CCDC121: variants seen among roughly 807,000 people sequenced by gnomAD.
The protein encoded by CCDC121 is coiled-coil domain-containing protein 121.
For synonymous variants in CCDC121, 108 were observed against 120.0 expected (o/e 0.90, Z 0.65); for missense variants, 238 against 304.1 (o/e 0.78, Z 1.62).
chr2:27,626,889 C>T lies in CCDC121; in HGVS notation c.*74G>A, dbSNP rs935105457. 1.1e-5 allele frequency: 12 copies of T among 1,055,832 alleles called. No homozygotes were observed. In the African/African-American group the frequency reaches 1.6e-4, roughly 14 times the overall value. The allele number at this position is 1,055,832 out of a possible 1,614,324, so 65.4% of individuals were successfully genotyped here. ...ACAATAGCAATCTGGAATCCAACAGCCTTTCTAACCAGGTTAATGTAGCAC... is the reference window on the plus strand; with the variant it reads ...ACAATAGCAATCTGGAATCCAACAGTCTTTCTAACCAGGTTAATGTAGCAC... On this transcript the variant is annotated 3_prime_UTR_variant, in exon 2 of 2. Transcript: ENST00000324364.
In CCDC121 at chr2:27,628,951, C is replaced by G. The variant is rs1456793953; in HGVS notation, c.-120G>C. On this transcript the variant is annotated splice_region_variant and 5_prime_UTR_variant, in exon 1 of 2. Transcript: ENST00000324364. ...CCTGGCAACCGCCGCGCCCCTCACC[C>G]GCTCCTTTCTGACGCTGTGGTGGTT... The G allele has an allele frequency of 3.9e-6, 6 of 1,555,530 alleles. No individual in the cohort carries two copies. Among genetic ancestry groups the G allele is most frequent in the East Asian group, 2.3e-5 (1 of 43,794 alleles).
chr2:27,627,953 A>G, intron 1 of CCDC121, 36 bp from the exon 2 acceptor site: 1 of 1,441,804 alleles, frequency 6.9e-7, no homozygotes, highest in South Asian at 1.2e-5. Flanking sequence ...CTGTCAGTTA[A>G]TGAAACTTTA....
chr2:27,628,968 G>A lies in CCDC121; in HGVS notation c.-137C>T. ...CCCTCACCCGCTCCTTTCTGACGCT[G>A]TGGTGGTTTTCGTTCGCAGCCCAGA... On this transcript the variant is annotated 5_prime_UTR_variant, in exon 1 of 2. Transcript: ENST00000324364. 1.3e-6 allele frequency: 2 copies of A among 1,580,986 alleles called. No homozygotes were observed. The highest frequency in any genetic ancestry group is 2.2e-5 in the East Asian group (1 of 44,462).
intron 1 of CCDC121, 157 bp downstream of exon 1, chr2:27,628,793 G>C (rs1488097702): frequency 6.6e-7 from 1 of 1,512,896 alleles, no homozygotes; most frequent in Admixed American, 2.2e-5. Context: ...GGAGACAAAA[G>C]CCCTCCCAGG....
chr2:27,626,762 A>G lies in CCDC121; in HGVS notation c.*201T>C. The G allele has an allele frequency of 2.0e-6, 1 of 492,622 alleles. No individual in the cohort carries two copies. Among genetic ancestry groups the G allele is most frequent in the Non-Finnish European group, 3.6e-6 (1 of 277,986 alleles). 30.5% of individuals were successfully genotyped at this position (492,622 alleles called of 1,614,324 possible). A position where few individuals can be genotyped will look rare whatever the true frequency, so the allele number is the denominator to read the frequency against. On this transcript the variant is annotated 3_prime_UTR_variant, in exon 2 of 2. Transcript: ENST00000324364. ...TGGAATAGCTTATTAACGAGTATTT[A>G]AAGAAAAAGCTAGTTAAGGGAAGCT... is the stretch of plus-strand genomic sequence containing the variant.
At position 27,627,717 on chromosome 2, in the gene CCDC121, T is replaced by C. The variant is rs1267333377; in HGVS notation, c.83A>G (p.Glu28Gly). 2.5e-6 allele frequency: 4 copies of C among 1,613,962 alleles called. No individual in the cohort carries two copies. In the African/African-American group the frequency reaches 4.0e-5, roughly 16 times the overall value. The change falls in exon 2 of 2, where the codon GAA becomes GGA. Residue 28 changes from glutamate to glycine, a missense_variant. Coordinates refer to ENST00000324364, the MANE Select transcript of CCDC121 (RefSeq NM_024584.5). ...GTTTTCAGCCTGGACAAGTAACTTT[T>C]CTCGGTGTAGCTCCCTGGATTCCTC... is the stretch of plus-strand genomic sequence containing the variant. ...LLEESRELHREKLLVQAENRF... is the reference protein window; with the variant it reads ...LLEESRELHRGKLLVQAENRF...
In CCDC121 at chr2:27,627,513, A is replaced by T; in HGVS notation, c.287T>A (p.Ile96Asn). 6.2e-7 allele frequency: 1 copy of T among 1,614,134 alleles called. No homozygotes were observed. Among genetic ancestry groups the T allele is most frequent in the South Asian group, 1.1e-5 (1 of 91,080 alleles). The change falls in exon 2 of 2, where the codon ATC becomes AAC. Residue 96 changes from isoleucine (I) to asparagine (N), a missense_variant. By Grantham distance (149) the Ile-to-Asn change is moderately radical. Transcript: ENST00000324364. ...CAACTTCCGCTTCAAACTGGATTGG[A>T]TATTTTCCTTTTGCAAGAGCGCTGT... The part of the protein sequence containing the change: ...LKTALLQKEN[I>N]QSSLKRKLQA...
Position 27,627,272 on chromosome 2 carries a change from C to T in CCDC121, c.528G>A (p.Lys176=), listed in dbSNP as rs1345476791. 7 of 1,613,508 alleles carry T rather than the reference C, an allele frequency of 4.3e-6. No individual in the cohort carries two copies. The highest frequency in any genetic ancestry group is 1.3e-5 in the African/African-American group (1 of 74,856). The change falls in exon 2 of 2, where the codon AAG becomes AAA. Residue 176 remains lysine, a synonymous_variant. Transcript: ENST00000324364. ...GKRKRRELNM[K]AQALKLAAKR... ...TTGCTGCCAACTTCAAGGCCTGGGC[C>T]TTCATATTAAGCTCTCTTCTTTTTC...
chr2:27,627,920 G>A lies in CCDC121; in HGVS notation c.-118-3C>T. On this transcript the variant is annotated splice_region_variant and splice_polypyrimidine_tract_variant and intron_variant, in intron 1 of 1. Coordinates refer to ENST00000324364, the MANE Select transcript of CCDC121 (RefSeq NM_024584.5). ...GCCTTCTGGGGCCCTCAGCAAACCT[G>A]AAAGAACAAACGAGACATTCCTCTG... 1.3e-6 allele frequency: 2 copies of A among 1,596,196 alleles called. No individual in the cohort carries two copies. Among genetic ancestry groups the A allele is most frequent in the South Asian group, 2.2e-5 (2 of 90,488 alleles).
Position 27,627,904 on chromosome 2 carries a change from G to T in CCDC121, c.-105C>A, listed in dbSNP as rs573333820. 2 of 1,611,626 alleles carry T rather than the reference G, an allele frequency of 1.2e-6. No individual in the cohort carries two copies. Among genetic ancestry groups the T allele is most frequent in the Non-Finnish European group, 1.7e-6 (2 of 1,178,582 alleles). On this transcript the variant is annotated 5_prime_UTR_variant, in exon 2 of 2. Coordinates refer to ENST00000324364, the MANE Select transcript of CCDC121 (RefSeq NM_024584.5). ...TGATACGGTGGAAGGAGCCTTCTGG[G>T]GCCCTCAGCAAACCTGAAAGAACAA... is the stretch of plus-strand genomic sequence containing the variant.
In CCDC121 at chr2:27,627,709, G is replaced by C; in HGVS notation, c.91C>G (p.Leu31Val). 1.2e-6 allele frequency: 2 copies of C among 1,613,902 alleles called. No homozygotes were observed. Among genetic ancestry groups the C allele is most frequent in the Non-Finnish European group, 1.7e-6 (2 of 1,180,020 alleles). Reference protein sequence around the residue: ...ESRELHREKLLVQAENRFFLE... With the variant: ...ESRELHREKLVVQAENRFFLE... ...AAGAATCTGTTTTCAGCCTGGACAA[G>C]TAACTTTTCTCGGTGTAGCTCCCTG... Residue 31 changes from leucine to valine, a missense_variant, in exon 2 of 2, where the codon CTT (leucine) becomes GTT (valine). Coordinates refer to ENST00000324364, the MANE Select transcript of CCDC121 (RefSeq NM_024584.5).
intron 1 of CCDC121, chr2:27,628,440 T>G (rs766239783): frequency 6.4e-7 from 1 of 1,551,552 alleles, no homozygotes; most frequent in South Asian, 1.2e-5. Context: ...AACTGTGTAG[T>G]TCACTGAGGG....
chr2:27,627,940 C>CCTCT, intron 1 of CCDC121, 23 bp from the exon 2 acceptor site: 1 of 1,511,182 alleles, frequency 6.6e-7, no homozygotes, highest in Non-Finnish European at 9.2e-7. Flanking sequence ...ACGAGACATT[C>CCTCT]CTCTGTCAGT....
intron 1 of CCDC121, 150 bp downstream of exon 1, chr2:27,628,800 C>A (rs1224008243): frequency 6.6e-7 from 1 of 1,504,786 alleles, no homozygotes; most frequent in African/African-American, 1.4e-5. Flanking sequence ...AAAGCCCTCC[C>A]AGGCTGCAGA....
intron 1 of CCDC121, 199 bp downstream of exon 1, chr2:27,628,751 C>T: frequency 6.5e-7 from 1 of 1,546,066 alleles, no homozygotes; most frequent in Non-Finnish European, 8.7e-7. Flanking sequence ...GAGCCCTGCC[C>T]TCGGGACCCC....
Position 27,628,634 on chromosome 2 carries a change from C to T in CCDC121, c.-119+316G>A, listed in dbSNP as rs906131399. ...GCTGGTCCAGCCCTGAACTGTTTAA[C>T]CGCCTCGGCTACCGAATAAGCCCGA... On this transcript the variant is annotated intron_variant, in intron 1 of 1. Coordinates refer to ENST00000324364, the MANE Select transcript of CCDC121 (RefSeq NM_024584.5). 10 of 1,551,444 alleles carry T rather than the reference C, an allele frequency of 6.4e-6. No homozygotes were observed. The Admixed American group carries it at 1.8e-4, about 27-fold the overall frequency.
Position 27,625,654 on chromosome 2 carries a change from A to G in CCDC121, c.*1309T>C, listed in dbSNP as rs1381568873. The G allele has an allele frequency of 6.6e-6, 1 of 152,476 alleles. No homozygotes were observed. The highest frequency in any genetic ancestry group is 1.5e-5 in the Non-Finnish European group (1 of 68,028). The allele number at this position is 152,476 out of a possible 1,614,324, so 9.4% of individuals were successfully genotyped here. ...GAACAGTAATAAAATCAGTGGATAAATGTTTTTATTTAATAACATTGTTTA... is the reference window on the plus strand; with the variant it reads ...GAACAGTAATAAAATCAGTGGATAAGTGTTTTTATTTAATAACATTGTTTA... On this transcript the variant is annotated 3_prime_UTR_variant, in exon 2 of 2. Coordinates refer to ENST00000324364, the MANE Select transcript of CCDC121 (RefSeq NM_024584.5).
chr2:27,627,382 G>T lies in CCDC121; in HGVS notation c.418C>A (p.Arg140=). The T allele has an allele frequency of 6.2e-7, 1 of 1,614,080 alleles. No individual in the cohort carries two copies. The highest frequency in any genetic ancestry group is 8.5e-7 in the Non-Finnish European group (1 of 1,180,024). Residue 140 remains arginine (R), a synonymous_variant, in exon 2 of 2, where the codon CGG becomes AGG. Coordinates refer to ENST00000324364, the MANE Select transcript of CCDC121 (RefSeq NM_024584.5). Reference sequence around the variant, plus strand: ...TGGAGGAGCTGGGCCTGTACTTCCCGTGTCTTTGAAGCTGTCTCAGCTTGG... The same window carrying T: ...TGGAGGAGCTGGGCCTGTACTTCCCTTGTCTTTGAAGCTGTCTCAGCTTGG... ...KVQAETASKT[R]EVQAQLLQEK... is the part of the protein sequence containing the mutation.
rs764870962 is a variant in CCDC121, at chr2:27,629,009, C to T, written c.-178G>A. ...GCAGCCCAGAACATTGCGGAAGTTT[C>T]TCTACCCATGCGGTGTCTCTATGGT... is the stretch of plus-strand genomic sequence containing the variant. On this transcript the variant is annotated 5_prime_UTR_variant, in exon 1 of 2. Coordinates refer to ENST00000324364, the MANE Select transcript of CCDC121 (RefSeq NM_024584.5). The T allele has an allele frequency of 6.2e-7, 1 of 1,611,372 alleles. No homozygotes were observed. Among genetic ancestry groups the T allele is most frequent in the Admixed American group, 1.7e-5 (1 of 59,476 alleles).
Sources: gnomAD v4.1 joint callset for allele counts on GRCh38, gnomAD v4.1.1 for gene constraint, MANE v1.5 for transcripts, NCBI Gene and HGNC (gene_info 2026-07-23, HGNC 2026-07-21) for gene names.